Variants in MRC2 observed in about 807,000 individuals in gnomAD.
The protein encoded by MRC2 is C-type mannose receptor 2.
MRC2 carries 84 observed loss-of-function variants against 206.2 expected under a neutral mutation model. The observed-to-expected ratio is 0.41, with a 90% confidence interval of 0.34 to 0.49. MRC2 has a LOEUF of 0.49. Among genes scored for constraint, MRC2 ranks in the 20% least tolerant of loss-of-function variants. MRC2 has a pLI of 0.31. For missense variants in MRC2, 1,676 were observed against 2,001.5 expected, an observed-to-expected ratio of 0.84 and a Z score of 3.10; for synonymous variants, 798 against 800.0, an observed-to-expected ratio of 1.00 and a Z score of 0.04.
chr17:62,628,026 A>G lies in MRC2; in HGVS notation c.118+106A>G, dbSNP rs952144095. On this transcript the variant is annotated intron_variant, in intron 1 of 29. Coordinates refer to ENST00000303375, the MANE Select transcript of MRC2 (RefSeq NM_006039.5). ...CCTTTTCCCCCCTCTTTTCTCCAGA[A>G]GCGTGTGTGCGTGTGTGTGTGACTG... 5.5e-6 allele frequency: 4 copies of G among 724,644 alleles called. No homozygotes were observed. The African/African-American group carries it at 7.5e-5, about 14-fold the overall frequency. 44.9% of individuals were successfully genotyped at this position (724,644 alleles called of 1,614,324 possible).
chr17:62,656,774 A>C (rs538789935), intron 1 of MRC2, among the ~76,000 whole-genome samples: 4 of 152,238 alleles, frequency 2.6e-5, no homozygotes, highest in African/African-American at 9.6e-5. Flanking sequence ...GCAGGAGCCC[A>C]GCTGGCTGCA....
chr17:62,628,368 G>A (rs773975049), intron 1 of MRC2, among the ~76,000 whole-genome samples: 11 of 152,098 alleles, frequency 7.2e-5, no homozygotes, highest in Non-Finnish European at 1.3e-4. Context: ...CGTTAGGACG[G>A]CTTTCCAACT....
At position 62,680,408 on chromosome 17, in the gene MRC2, G is replaced by C; in HGVS notation, c.2438-10G>C. 1 of 1,614,118 alleles carries C rather than the reference G, an allele frequency of 6.2e-7. No homozygotes were observed. Among genetic ancestry groups the C allele is most frequent in the Non-Finnish European group, 8.5e-7 (1 of 1,179,990 alleles). On this transcript the variant is annotated splice_polypyrimidine_tract_variant and intron_variant, in intron 15 of 29. Transcript: ENST00000303375. This position sits in a 1 kb window ranked among gnomAD's most constrained non-coding sequence, Gnocchi z 4.8. ...CTTTCCTCACAACGTCTTTGTCCTT[G>C]TTCCCCTAGGTACGGACGTGCGGGA...
chr17:62,690,389 C>T, intron 26 of MRC2, 84 bp downstream of exon 26: 3 of 1,496,334 alleles, frequency 2.0e-6, no homozygotes, highest in Non-Finnish European at 2.7e-6. Flanking sequence ...TACATCCCCA[C>T]ACTGCTCTCT....
In MRC2 at chr17:62,671,560, G is replaced by A; in HGVS notation, c.1118-89G>A. ...GAGTTTGGAGAGGAGGTGACTGGGAGGCCTCGCCTGTGTTGACGTCAACCC... is the reference window on the plus strand; with the variant it reads ...GAGTTTGGAGAGGAGGTGACTGGGAAGCCTCGCCTGTGTTGACGTCAACCC... On this transcript the variant is annotated intron_variant, in intron 6 of 29. Coordinates refer to ENST00000303375, the MANE Select transcript of MRC2 (RefSeq NM_006039.5). This position sits in a 1 kb window ranked among gnomAD's most constrained non-coding sequence, Gnocchi z 4.5. The A allele has an allele frequency of 8.2e-7, 1 of 1,225,644 alleles. No individual in the cohort carries two copies. Among genetic ancestry groups the A allele is most frequent in the Non-Finnish European group, 1.1e-6 (1 of 888,902 alleles). 75.9% of individuals were successfully genotyped at this position (1,225,644 alleles called of 1,614,324 possible).
intron 1 of MRC2, among the ~76,000 whole-genome samples, chr17:62,659,609 G>A (rs368996232): frequency 6.6e-6 from 1 of 152,108 alleles, no homozygotes; most frequent in East Asian, 1.9e-4. Context: ...GTTCATGGCA[G>A]GAGGGAAGGA....
At position 62,692,942 on chromosome 17, in the gene MRC2, G is replaced by A. The variant is rs2089130303; in HGVS notation, c.*491G>A. On this transcript the variant is annotated 3_prime_UTR_variant, in exon 30 of 30. Coordinates refer to ENST00000303375, the MANE Select transcript of MRC2 (RefSeq NM_006039.5). The surrounding 1 kb of genome is among the most constrained non-coding windows in gnomAD (Gnocchi z 4.2). Reference sequence around the variant, plus strand: ...CCCTTCTCTCCCACCCCTTCCTTCTGAGCCGGGCCCTGGGGATTGGGGAGC... The same window carrying A: ...CCCTTCTCTCCCACCCCTTCCTTCTAAGCCGGGCCCTGGGGATTGGGGAGC... 6.3e-6 allele frequency: 1 copy of A among 158,448 alleles called. No homozygotes were observed. The highest frequency in any genetic ancestry group is 2.4e-5 in the African/African-American group (1 of 41,536). The allele number at this position is 158,448 out of a possible 1,614,324, so 9.8% of individuals were successfully genotyped here. A position where few individuals can be genotyped will look rare whatever the true frequency, so the allele number is the denominator to read the frequency against.
In MRC2 at chr17:62,691,800, G is replaced by A. The variant is rs188669635; in HGVS notation, c.4193-312G>A. On this transcript the variant is annotated intron_variant, in intron 28 of 29. Transcript: ENST00000303375. ...AAAAAAAAAAAAAAAAAAAAGTCCCGACCTCCTAGAGTGCTAGTGAAGCTA... is the reference window on the plus strand; with the variant it reads ...AAAAAAAAAAAAAAAAAAAAGTCCCAACCTCCTAGAGTGCTAGTGAAGCTA... Among the ~76,000 whole-genome samples the A allele has an allele frequency of 1.4e-3, 184 of 130,464 alleles. 2 individuals carry two copies. Among genetic ancestry groups the A allele is most frequent in the African/African-American group, 4.8e-3 (179 of 37,176 alleles). 85.6% of individuals were successfully genotyped at this position (130,464 alleles called of 152,430 possible).
At chr17:62,662,006 G>T (rs981485816) in intron 1 of MRC2, among the ~76,000 whole-genome samples, 1 of 152,040 alleles carries the variant, frequency 6.6e-6, no homozygotes, top group Non-Finnish European at 1.5e-5. Context: ...CTAGCACTTT[G>T]GGAGTCTGAG....
chr17:62,636,441 G>C, intron 1 of MRC2, among the ~76,000 whole-genome samples: 1 of 147,184 alleles, frequency 6.8e-6, no homozygotes. Flanking sequence ...ATTAGTAGTA[G>C]TTCATTGGGT....
rs559633208 is a variant in MRC2, at chr17:62,692,220, C to G, written c.4220-11C>G. On this transcript the variant is annotated splice_polypyrimidine_tract_variant and intron_variant, in intron 29 of 29. Coordinates refer to ENST00000303375, the MANE Select transcript of MRC2 (RefSeq NM_006039.5). The surrounding 1 kb of genome is among the most constrained non-coding windows in gnomAD (Gnocchi z 4.2). The stretch of plus-strand genomic sequence containing the variant: ...GCCCACTTGGCCTTTCACGCCCACT[C>G]GCCTTGGCAGCGCTTCCAGAGAACC... The G allele has an allele frequency of 6.2e-7, 1 of 1,612,658 alleles. No homozygotes were observed. Among genetic ancestry groups the G allele is most frequent in the Non-Finnish European group, 8.5e-7 (1 of 1,179,164 alleles).
In MRC2 at chr17:62,667,633, A is replaced by G. The variant is rs2147467696; in HGVS notation, c.1117+100A>G. 1 of 1,346,130 alleles carries G rather than the reference A, an allele frequency of 7.4e-7. No homozygotes were observed. The highest frequency in any genetic ancestry group is 1.0e-6 in the Non-Finnish European group (1 of 1,004,652). The allele number at this position is 1,346,130 out of a possible 1,614,324, so 83.4% of individuals were successfully genotyped here. A position where few individuals can be genotyped will look rare whatever the true frequency, so the allele number is the denominator to read the frequency against. On this transcript the variant is annotated intron_variant, in intron 6 of 29. Transcript: ENST00000303375. The surrounding 1 kb of genome is among the most constrained non-coding windows in gnomAD (Gnocchi z 4.1). ...CCCAGCCTCTCCTCCGGTTACCACC[A>G]CAGCACAAGGGGACTCTGGATCCTC...
chr17:62,690,239 C>G lies in MRC2; in HGVS notation c.3826C>G (p.His1276Asp). The change falls in exon 26 of 30, where the codon CAC becomes GAC. Residue 1276 changes from histidine (H) to aspartate (D), a missense_variant. Physicochemically the swap from His to Asp is moderately conservative, Grantham distance 81. Transcript: ENST00000303375. ...CTCCGCGTGGATTCCCTTCCGGGAG[C>G]ACTGCTATTCTTTCCACATGGAGCT... ...ADSAWIPFREHCYSFHMELLL... is the reference protein window; with the variant it reads ...ADSAWIPFREDCYSFHMELLL... 3 of 1,613,352 alleles carry G rather than the reference C, an allele frequency of 1.9e-6. No individual in the cohort carries two copies. The highest frequency in any genetic ancestry group is 2.5e-6 in the Non-Finnish European group (3 of 1,179,624).
At position 62,651,917 on chromosome 17, in the gene MRC2, C is replaced by T. The variant is rs541358477; in HGVS notation, c.119-12631C>T. Among the ~76,000 whole-genome samples the T allele has an allele frequency of 1.8e-4, 28 of 152,328 alleles. 2 individuals carry two copies. The South Asian group carries it at 5.4e-3, about 29-fold the overall frequency. On this transcript the variant is annotated intron_variant, in intron 1 of 29. Transcript: ENST00000303375. ...CTCAGTTTCTCAGGAACTAATCATT[C>T]TGGTTGAATACATTTTGCTACACAT...
intron 1 of MRC2, among the ~76,000 whole-genome samples, chr17:62,655,109 C>A (rs528096377): frequency 6.6e-6 from 1 of 152,278 alleles, no homozygotes; most frequent in Admixed American, 6.5e-5. Flanking sequence ...TGCGGTGAAA[C>A]CCTGTCTCTA....
chr17:62,646,569 C>T (rs1043184816), intron 1 of MRC2, among the ~76,000 whole-genome samples: 1 of 152,342 alleles, frequency 6.6e-6, no homozygotes, highest in Non-Finnish European at 1.5e-5. Flanking sequence ...TGAAAAGGTG[C>T]TTGACCTACG....
intron 1 of MRC2, among the ~76,000 whole-genome samples, chr17:62,640,685 A>AT (rs869295016): frequency 0.025 from 3,414 of 135,118 alleles, 124 homozygotes; most frequent in African/African-American, 0.076. Context: ...CTAATATTTA[A>AT]TTTTTTTTTT....
chr17:62,628,985 G>T (rs1030386393), intron 1 of MRC2, among the ~76,000 whole-genome samples: 1 of 152,180 alleles, frequency 6.6e-6, no homozygotes, highest in African/African-American at 2.4e-5. Flanking sequence ...CGTGCTTGCT[G>T]GGTTGGCCTG....
chr17:62,633,677 G>GA lies in MRC2; in HGVS notation c.118+5774dup, dbSNP rs761792736. On this transcript the variant is annotated intron_variant, in intron 1 of 29. Coordinates refer to ENST00000303375, the MANE Select transcript of MRC2 (RefSeq NM_006039.5). ...AACATGACGAAACCCAGTCACTACAGAAAAAAAAAAAAAAAAAGCTGGGTG... is the reference window on the plus strand; with the variant it reads ...AACATGACGAAACCCAGTCACTACAGAAAAAAAAAAAAAAAAAAGCTGGGTG... Among the ~76,000 whole-genome samples the GA allele has an allele frequency of 3.4e-4, 38 of 113,316 alleles. 1 individual carries two copies. Among genetic ancestry groups the GA allele is most frequent in the Non-Finnish European group, 4.3e-4 (23 of 53,208 alleles). The allele number at this position is 113,316 out of a possible 152,430, so 74.3% of individuals were successfully genotyped here.
Sources: gnomAD v4.1 joint callset for allele counts (sites outside exome capture counted in the v4.1 genomes callset) on GRCh38, gnomAD v4.1.1 for gene constraint, Gnocchi (gnomAD v3.1) non-coding constraint, MANE v1.5 for transcripts, NCBI Gene and HGNC (gene_info 2026-07-23, HGNC 2026-07-21) for gene names.